The following FSTL5 variants were observed in gnomAD, a reference collection of about 807,000 sequenced individuals.
FSTL5 encodes the protein follistatin-related protein 5.
Under a neutral mutation model 89.1 loss-of-function variants are expected in FSTL5, and 62 were observed. The ratio of observed to expected loss-of-function variants is 0.70; its 90% CI spans 0.57 to 0.86. The LOEUF (loss-of-function observed/expected upper bound fraction) is 0.86. Among genes scored for constraint, FSTL5 ranks in the 40% least tolerant of loss-of-function variants. The pLI, the probability that FSTL5 is intolerant of heterozygous loss-of-function variation, is 0.00. For synonymous variants in FSTL5, 383 were observed against 346.2 expected, an observed-to-expected ratio of 1.11 and a Z score of -1.18; for missense variants, 1,057 against 1,001.6, an observed-to-expected ratio of 1.06 and a Z score of -0.75.
intron 2 of FSTL5, among the ~76,000 whole-genome samples, chr4:162,049,280 T>C (rs1399654499): frequency 1.3e-5 from 2 of 152,192 alleles, no homozygotes; most frequent in African/African-American, 4.8e-5. Flanking sequence ...GCTTTATCAA[T>C]GGATGCTCTT....
intron 4 of FSTL5, among the ~76,000 whole-genome samples, chr4:161,786,948 C>T (rs1202849689): frequency 6.6e-6 from 1 of 152,022 alleles, no homozygotes; most frequent in Non-Finnish European, 1.5e-5. Context: ...GCAAGATAAA[C>T]AAATAAATGT....
At chr4:161,560,450 A>C (rs1732554774) in intron 8 of FSTL5, among the ~76,000 whole-genome samples, 1 of 151,880 alleles carries the variant, frequency 6.6e-6, no homozygotes, top group African/African-American at 2.4e-5. Context: ...GCTTACTGTA[A>C]CTTTGTTACT....
At chr4:161,501,017 T>C (rs983144520) in intron 11 of FSTL5, among the ~76,000 whole-genome samples, 5 of 152,128 alleles carry the variant, frequency 3.3e-5, no homozygotes, top group African/African-American at 7.2e-5. Flanking sequence ...CTTGCCTATA[T>C]AGCTCTTTTG....
intron 5 of FSTL5, among the ~76,000 whole-genome samples, chr4:161,769,049 G>A (rs112911417): frequency 0.011 from 1,613 of 151,952 alleles, 19 homozygotes; most frequent in African/African-American, 0.035. Flanking sequence ...ATCATTAGAT[G>A]CCCCTATGAG....
At chr4:161,555,095 C>A (rs1732344563) in intron 8 of FSTL5, among the ~76,000 whole-genome samples, 1 of 151,456 alleles carries the variant, frequency 6.6e-6, no homozygotes, top group South Asian at 2.1e-4. Flanking sequence ...ATGTTGGAGG[C>A]AAAATATAAA....
intron 7 of FSTL5, among the ~76,000 whole-genome samples, chr4:161,619,638 G>A (rs1054269564): frequency 4.6e-5 from 7 of 152,142 alleles, no homozygotes; most frequent in Non-Finnish European, 8.8e-5. Context: ...ACCACAATGA[G>A]ATACCATCTC....
At chr4:162,005,558 T>G (rs1242915114) in intron 3 of FSTL5, among the ~76,000 whole-genome samples, 1 of 151,994 alleles carries the variant, frequency 6.6e-6, no homozygotes, top group Non-Finnish European at 1.5e-5. Flanking sequence ...AATTCAGAGT[T>G]GGAGAGGAAT....
Position 161,730,244 on chromosome 4 carries a change from C to T in FSTL5, c.727+29167G>A, listed in dbSNP as rs550435046. ...TAATTTTTCTTTGAGGATTGGTGAGCATCTATTATTTTGGAAACTCTAGTA... is the reference window on the plus strand; with the variant it reads ...TAATTTTTCTTTGAGGATTGGTGAGTATCTATTATTTTGGAAACTCTAGTA... On this transcript the variant is annotated intron_variant, in intron 6 of 15. Coordinates refer to ENST00000306100, the MANE Select transcript of FSTL5 (RefSeq NM_020116.5). 3.3e-5 allele frequency among the ~76,000 whole-genome samples: 5 copies of T among 151,986 alleles called. No individual in the cohort carries two copies. In the East Asian group the frequency reaches 9.7e-4, roughly 29 times the overall value.
At chr4:161,747,061 A>G (rs1423657326) in intron 6 of FSTL5, among the ~76,000 whole-genome samples, 2 of 152,128 alleles carry the variant, frequency 1.3e-5, no homozygotes, top group African/African-American at 4.8e-5. Context: ...CTATATTGTA[A>G]TTGCCTTTTA....
At chr4:161,513,560 T>C (rs1317216805) in intron 10 of FSTL5, among the ~76,000 whole-genome samples, 1 of 152,200 alleles carries the variant, frequency 6.6e-6, no homozygotes, top group Non-Finnish European at 1.5e-5. Flanking sequence ...GCAGCACTAT[T>C]CACAATAGCA....
intron 7 of FSTL5, among the ~76,000 whole-genome samples, chr4:161,615,734 T>C (rs1734844274): frequency 6.6e-6 from 1 of 152,124 alleles, no homozygotes; most frequent in Non-Finnish European, 1.5e-5. Flanking sequence ...AAAATGACAA[T>C]GAGATTGAAT....
At chr4:161,612,315 A>G (rs2126636628) in intron 7 of FSTL5, among the ~76,000 whole-genome samples, 1 of 152,370 alleles carries the variant, frequency 6.6e-6, no homozygotes, top group Admixed American at 6.5e-5. Context: ...GTAGTTTAAT[A>G]GCAAAGTAAT....
intron 8 of FSTL5, among the ~76,000 whole-genome samples, chr4:161,568,387 T>C (rs572405995): frequency 6.6e-6 from 1 of 152,284 alleles, no homozygotes; most frequent in African/African-American, 2.4e-5. Flanking sequence ...TTGAAATAGC[T>C]TCAGCGGGTA....
chr4:161,522,464 T>A (rs183411080), intron 10 of FSTL5, among the ~76,000 whole-genome samples: 1 of 152,186 alleles, frequency 6.6e-6, no homozygotes, highest in East Asian at 1.9e-4. Context: ...TCCTCCCGTA[T>A]TATATAATGT....
At chr4:161,614,350 T>C (rs560039518) in intron 7 of FSTL5, among the ~76,000 whole-genome samples, 1 of 152,170 alleles carries the variant, frequency 6.6e-6, no homozygotes, top group Non-Finnish European at 1.5e-5. Context: ...ATCTGTTTCC[T>C]TATTTTCAAA....
intron 13 of FSTL5, among the ~76,000 whole-genome samples, chr4:161,468,684 T>G (rs1039030219): frequency 6.6e-6 from 1 of 152,270 alleles, no homozygotes; most frequent in Admixed American, 6.5e-5. Flanking sequence ...TCTTCTTGTG[T>G]TTCATGTCAT....
intron 6 of FSTL5, among the ~76,000 whole-genome samples, chr4:161,661,725 T>A (rs1475215655): frequency 3.3e-5 from 5 of 152,124 alleles, no homozygotes; most frequent in Non-Finnish European, 7.4e-5. Flanking sequence ...GTCTACCTGT[T>A]AAATATTATA....
At chr4:161,756,311 G>A (rs7690805) in intron 6 of FSTL5, among the ~76,000 whole-genome samples, 12,370 of 151,876 alleles carry the variant, frequency 0.081, 963 homozygotes, top group African/African-American at 0.2. Context: ...CCCAACTAAC[G>A]TCTCTTTATG....
At chr4:161,468,621 A>C (rs1218864642) in intron 13 of FSTL5, among the ~76,000 whole-genome samples, 1 of 152,110 alleles carries the variant, frequency 6.6e-6, no homozygotes, top group African/African-American at 2.4e-5. Flanking sequence ...TTTTTGTTTC[A>C]GTATTCCTAA....
Sources: allele counts gnomAD v4.1 joint callset (sites outside exome capture counted in the v4.1 genomes callset), GRCh38; gene constraint gnomAD v4.1.1; transcripts MANE v1.5; gene names NCBI Gene and HGNC (gene_info 2026-07-23, HGNC 2026-07-21).